The following EPB41L4A variants were observed in gnomAD, a reference collection of about 807,000 sequenced individuals.
EPB41L4A encodes erythrocyte membrane protein band 4.1 like 4A, also known as band 4.1-like protein 4A.
EPB41L4A carries 100 observed loss-of-function variants against 108.6 expected under a neutral mutation model. That is an observed-to-expected ratio of 0.92 (90% CI 0.78 to 1.09). The LOEUF (loss-of-function observed/expected upper bound fraction) is 1.09, where lower values mean the gene tolerates loss of function less well. Among genes scored for constraint, EPB41L4A ranks in the 50% least tolerant of loss-of-function variants. EPB41L4A has a pLI of 0.00. For synonymous variants in EPB41L4A, 319 were observed against 289.0 expected (o/e 1.10, Z -1.05); for missense variants, 1,030 against 842.7 (o/e 1.22, Z -2.75).
At chr5:112,327,248 A>G (rs1328604770) in intron 1 of EPB41L4A, among the ~76,000 whole-genome samples, 1 of 152,240 alleles carries the variant, frequency 6.6e-6, no homozygotes, top group Non-Finnish European at 1.5e-5. Context: ...CTTTGTTAAA[A>G]AAAATTCAAG....
chr5:112,170,217 G>T, intron 20 of EPB41L4A, 84 bp downstream of exon 20: 1 of 1,352,978 alleles, frequency 7.4e-7, no homozygotes, highest in Non-Finnish European at 1.0e-6. Context: ...TTAAAGCACT[G>T]TCTGGAACAC....
intron 1 of EPB41L4A, among the ~76,000 whole-genome samples, chr5:112,416,894 G>A (rs971023648): frequency 6.6e-6 from 1 of 152,120 alleles, no homozygotes; most frequent in African/African-American, 2.4e-5. Context: ...CACGCCAAGG[G>A]TGGGTAGGTG....
chr5:112,197,429 A>C (rs13165611), intron 15 of EPB41L4A, among the ~76,000 whole-genome samples: 97,685 of 152,094 alleles, frequency 0.64, 32,465 homozygotes, highest in East Asian at 0.76. Context: ...TTCTTACATC[A>C]AATTTTGGGG....
At chr5:112,161,378 T>A (rs898311764), downstream of EPB41L4A, 5 of 418,618 alleles carry the variant, frequency 1.2e-5, no homozygotes, top group African/African-American at 8.2e-5. Context: ...GGATTTTAAA[T>A]CGTGAGAAAA....
At chr5:112,225,653 G>T (rs55935245) in intron 12 of EPB41L4A, among the ~76,000 whole-genome samples, 3 of 152,152 alleles carry the variant, frequency 2.0e-5, no homozygotes, top group Non-Finnish European at 4.4e-5. Context: ...TATCCTGCCT[G>T]CAAGTATTAT....
At chr5:112,296,992 C>T (rs55992740) in intron 2 of EPB41L4A, among the ~76,000 whole-genome samples, 15,652 of 73,164 alleles carry the variant, frequency 0.21, 954 homozygotes, top group African/African-American at 0.25. Flanking sequence ...TACATACATA[C>T]ACACACACAC....
At chr5:112,204,944 G>C (rs1421181704) in intron 14 of EPB41L4A, among the ~76,000 whole-genome samples, 3 of 152,156 alleles carry the variant, frequency 2.0e-5, no homozygotes, top group African/African-American at 7.2e-5. Flanking sequence ...GCTAGGAAGT[G>C]GCAGGGCTAG....
At chr5:112,235,775 T>G (rs1749285775) in intron 11 of EPB41L4A, among the ~76,000 whole-genome samples, 1 of 152,166 alleles carries the variant, frequency 6.6e-6, no homozygotes, top group East Asian at 1.9e-4. Flanking sequence ...TCAGGCTAAG[T>G]TGGGACGTGT....
At chr5:112,245,158 T>C (rs899237693) in intron 9 of EPB41L4A, among the ~76,000 whole-genome samples, 11 of 151,616 alleles carry the variant, frequency 7.3e-5, no homozygotes, top group African/African-American at 2.7e-4. Flanking sequence ...AAAATACTAT[T>C]TATATTTTAA....
intron 15 of EPB41L4A, among the ~76,000 whole-genome samples, chr5:112,202,058 G>A (rs1182470656): frequency 6.6e-6 from 1 of 152,162 alleles, no homozygotes; most frequent in Non-Finnish European, 1.5e-5. Flanking sequence ...TTTGCCAGCT[G>A]GGTTCTAGTT....
intron 2 of EPB41L4A, among the ~76,000 whole-genome samples, chr5:112,296,995 A>T (rs1754031867): frequency 1.7e-5 from 2 of 114,708 alleles, no homozygotes; most frequent in South Asian, 5.8e-4. Flanking sequence ...ATACATACAC[A>T]CACACACACA....
intron 11 of EPB41L4A, among the ~76,000 whole-genome samples, chr5:112,236,438 T>C (rs1187919160): frequency 6.6e-6 from 1 of 152,240 alleles, no homozygotes; most frequent in Non-Finnish European, 1.5e-5. Flanking sequence ...AGAAAGTTAT[T>C]TGTAAAAATC....
intron 22 of EPB41L4A, among the ~76,000 whole-genome samples, chr5:112,165,901 G>C (rs190900198): frequency 1.3e-5 from 2 of 152,254 alleles, no homozygotes; most frequent in South Asian, 4.1e-4. Flanking sequence ...TTGTTTTACT[G>C]ACATTCAAAA....
At chr5:112,260,273 G>A (rs1160957467) in intron 7 of EPB41L4A, among the ~76,000 whole-genome samples, 1 of 152,174 alleles carries the variant, frequency 6.6e-6, no homozygotes, top group African/African-American at 2.4e-5. Context: ...TTACACAGTG[G>A]TGTTCAATCC....
intron 1 of EPB41L4A, among the ~76,000 whole-genome samples, chr5:112,411,835 T>G (rs1251430337): frequency 2.6e-5 from 4 of 152,164 alleles, no homozygotes; most frequent in Non-Finnish European, 5.9e-5. Flanking sequence ...CAAGTCGCAA[T>G]TAAGGCAGCA....
chr5:112,281,893 C>A (rs1045896774), intron 2 of EPB41L4A, among the ~76,000 whole-genome samples: 3 of 152,048 alleles, frequency 2.0e-5, no homozygotes, highest in Admixed American at 1.3e-4. Flanking sequence ...AAACTCTATT[C>A]ATGCATATAT....
chr5:112,160,862 G>C (rs10478071), downstream of EPB41L4A: 3 of 156,272 alleles, frequency 1.9e-5, no homozygotes, highest in Non-Finnish European at 2.9e-5. Context: ...ACGGAAGCCT[G>C]TCCTTTCTTC....
At chr5:112,372,637 AAAGT>A (rs1394086197) in intron 1 of EPB41L4A, among the ~76,000 whole-genome samples, 1 of 152,230 alleles carries the variant, frequency 6.6e-6, no homozygotes, top group Non-Finnish European at 1.5e-5. Flanking sequence ...AAAGTGGTCC[AAAGT>A]AACAGTGGAA....
At chr5:112,170,156 T>C (rs1209196489) in intron 20 of EPB41L4A, 145 bp downstream of exon 20, 2 of 732,650 alleles carry the variant, frequency 2.7e-6, no homozygotes, top group Non-Finnish European at 4.5e-6. Context: ...TGCACACTTT[T>C]CTTCCTCTTT....
Sources: allele counts gnomAD v4.1 joint callset (sites outside exome capture counted in the v4.1 genomes callset), GRCh38; gene constraint gnomAD v4.1.1; transcripts MANE v1.5; gene names NCBI Gene and HGNC (gene_info 2026-07-23, HGNC 2026-07-21).